Variants in OR51B5 observed in about 807,000 individuals in gnomAD.
OR51B5 encodes the protein olfactory receptor 51B5.
For synonymous variants in OR51B5, 186 were observed against 144.8 expected (o/e 1.28, Z -2.04); for missense variants, 456 against 374.6 (o/e 1.22, Z -1.79).
At chr11:5,478,247 G>A (rs59421415) in intron 1 of OR51B5, among the ~76,000 whole-genome samples, 12,150 of 151,956 alleles carry the variant, frequency 0.08, 917 homozygotes, top group East Asian at 0.35. Flanking sequence ...CCCAGCAGGG[G>A]CATACTGACA....
chr11:5,466,872 C>A (rs1851145920), intron 1 of OR51B5, among the ~76,000 whole-genome samples: 1 of 152,236 alleles, frequency 6.6e-6, no homozygotes, highest in African/African-American at 2.4e-5. Context: ...CCCCAGAACG[C>A]CACAGGTTTT....
chr11:5,378,904 C>A (rs1437453408), intron 1 of OR51B5, among the ~76,000 whole-genome samples: 2 of 150,874 alleles, frequency 1.3e-5, no homozygotes, highest in East Asian at 1.9e-4. Flanking sequence ...GTCAGTGTGG[C>A]GATTCCTCAG....
At position 5,500,952 on chromosome 11, in the gene OR51B5, G is replaced by C. The variant is rs1224874115; in HGVS notation, n.84+4617C>G. ...CATTATTTTAGGTTGACACTAGGCA[G>C]CATTGCCTGTGATAGAAATGACCCT... On this transcript the variant is annotated intron_variant and non_coding_transcript_variant, in intron 1 of 4. Transcript: ENST00000415970. Among the ~76,000 whole-genome samples the C allele has an allele frequency of 1.3e-5, 2 of 148,340 alleles. 1 individual carries two copies. Among genetic ancestry groups the C allele is most frequent in the Non-Finnish European group, 3.0e-5 (2 of 66,314 alleles).
chr11:5,403,599 A>T (rs1331028514), intron 1 of OR51B5: 1 of 439,290 alleles, frequency 2.3e-6, no homozygotes, highest in Non-Finnish European at 4.8e-6. Context: ...TGCTCTCTAT[A>T]ATAACAGGTG....
At chr11:5,481,792 T>G (rs1230677877) in intron 1 of OR51B5, among the ~76,000 whole-genome samples, 1 of 131,268 alleles carries the variant, frequency 7.6e-6, no homozygotes. Context: ...GGAATCCAAC[T>G]TACAAGGGAT....
chr11:5,371,942 T>A (rs538639207), intron 1 of OR51B5, among the ~76,000 whole-genome samples: 1 of 152,288 alleles, frequency 6.6e-6, no homozygotes, highest in East Asian at 1.9e-4. Flanking sequence ...ACTGTTTCTA[T>A]GCATTTGACC....
intron 1 of OR51B5, among the ~76,000 whole-genome samples, chr11:5,382,464 G>A (rs2723372): frequency 0.54 from 81,357 of 151,992 alleles, 22,270 homozygotes; most frequent in South Asian, 0.7. Context: ...CCTATCTTAT[G>A]TGTGATAGAT....
At chr11:5,387,848 T>C (rs1849722909) in intron 1 of OR51B5, among the ~76,000 whole-genome samples, 1 of 152,170 alleles carries the variant, frequency 6.6e-6, no homozygotes, top group Non-Finnish European at 1.5e-5. Flanking sequence ...ACTCTTACCT[T>C]CCTCCTTTGC....
At chr11:5,406,937 CATA>C (rs2133746768) in intron 1 of OR51B5, among the ~76,000 whole-genome samples, 1 of 152,150 alleles carries the variant, frequency 6.6e-6, no homozygotes, top group South Asian at 2.1e-4. Flanking sequence ...TACTCAAATG[CATA>C]ATGACAGTGA....
At chr11:5,422,692 A>G in intron 1 of OR51B5, 1 of 1,613,160 alleles carries the variant, frequency 6.2e-7, no homozygotes, top group South Asian at 1.1e-5. Context: ...CCCTTTTCTT[A>G]CTCAAGCGAC....
chr11:5,403,694 A>G (rs772102877), intron 1 of OR51B5: 4 of 360,818 alleles, frequency 1.1e-5, no homozygotes, highest in Non-Finnish European at 2.2e-5. Flanking sequence ...CCATGAACTG[A>G]GGTGAGGGTG....
intron 1 of OR51B5, chr11:5,454,276 G>A (rs11037502): frequency 0.12 from 200,121 of 1,613,998 alleles, 12,846 homozygotes; most frequent in East Asian, 0.2. Context: ...ACAGTGCACC[G>A]CTTTGGGAAG....
chr11:5,409,179 TAG>T (rs1850106286), intron 1 of OR51B5, among the ~76,000 whole-genome samples: 1 of 152,134 alleles, frequency 6.6e-6, no homozygotes, highest in South Asian at 2.1e-4. Context: ...GCTAGGAAGC[TAG>T]GAAGCAAGGG....
rs749757775 is a variant in OR51B5 at position 5,454,121 on chromosome 11, GT to G, written n.84+51447del. 1.2e-5 allele frequency: 20 copies of G among 1,614,164 alleles called. No homozygotes were observed. In the East Asian group the frequency reaches 1.3e-4, roughly 11 times the overall value. Reference sequence around the variant, plus strand: ...TTGTATCCACCTTTGGCATGGACCTGTTTTTTATCTTCCTCTCCTATGTGCT... The same window carrying G: ...TTGTATCCACCTTTGGCATGGACCTGTTTTTATCTTCCTCTCCTATGTGCT... On this transcript the variant is annotated intron_variant and non_coding_transcript_variant, in intron 1 of 4. Coordinates refer to the OR51B5 transcript ENST00000415970.
intron 1 of OR51B5, chr11:5,488,767 C>T (rs552766776): frequency 1.2e-6 from 2 of 1,614,000 alleles, no homozygotes; most frequent in South Asian, 2.2e-5. Flanking sequence ...AACAGGGATC[C>T]CAGGGCTGGA....
Position 5,379,989 on chromosome 11 carries a change from T to A in OR51B5, n.85-33079A>T, listed in dbSNP as rs576112338. On this transcript the variant is annotated intron_variant and non_coding_transcript_variant, in intron 1 of 4. Coordinates refer to the OR51B5 transcript ENST00000415970. ...CAGAATCATGAACCAAACAAAACTT[T>A]AAAAAAAAAAAATAAGCTACCCAGA... Among the ~76,000 whole-genome samples, 264 of 145,656 alleles carry A rather than the reference T, an allele frequency of 1.8e-3. 1 individual carries two copies. Among genetic ancestry groups the A allele is most frequent in the African/African-American group, 6.5e-3 (255 of 39,498 alleles).
At chr11:5,349,390 G>A (rs915575658) in intron 1 of OR51B5, among the ~76,000 whole-genome samples, 5 of 144,954 alleles carry the variant, frequency 3.4e-5, no homozygotes, top group Non-Finnish European at 6.1e-5. Context: ...TCCCTATCTG[G>A]TATTCCTACT....
intron 1 of OR51B5, among the ~76,000 whole-genome samples, chr11:5,394,842 T>C (rs1047006603): frequency 2.0e-5 from 3 of 152,230 alleles, no homozygotes; most frequent in Non-Finnish European, 4.4e-5. Context: ...GTCTTATTAA[T>C]GCTTGCATTC....
intron 1 of OR51B5, chr11:5,389,393 C>A: frequency 6.2e-7 from 1 of 1,609,292 alleles, no homozygotes; most frequent in Non-Finnish European, 8.5e-7. Flanking sequence ...GCTCAATCCC[C>A]GAGGAATGTC....
Sources: allele counts gnomAD v4.1 joint callset (sites outside exome capture counted in the v4.1 genomes callset), GRCh38; gene constraint gnomAD v4.1.1; transcripts MANE v1.5; gene names NCBI Gene and HGNC (gene_info 2026-07-23, HGNC 2026-07-21).